Variants in FGD5 observed in about 807,000 individuals in gnomAD.
The protein encoded by FGD5 is FYVE, RhoGEF and PH domain-containing protein 5.
A neutral mutation model predicts 133.4 loss-of-function variants in FGD5; 28 were observed. The observed-to-expected ratio is 0.21, with a 90% CI of 0.16 to 0.29. The LOEUF is 0.29. Ranked by LOEUF, FGD5 falls within the 10% of genes least tolerant of loss-of-function variation. The pLI is 1.00. For missense variants in FGD5, 1,858 were observed against 1,895.2 expected, an observed-to-expected ratio of 0.98 and a Z score of 0.36; for synonymous variants, 810 against 776.5, an observed-to-expected ratio of 1.04 and a Z score of -0.72.
chr3:14,813,860 G>A (rs546163174), intron 1 of FGD5, among the ~76,000 whole-genome samples: 76 of 152,352 alleles, frequency 5.0e-4, no homozygotes, highest in African/African-American at 1.8e-3. Flanking sequence ...GGAGCAGCAA[G>A]CATGAACATG....
At chr3:14,903,518 A>C (rs1575246016) in intron 9 of FGD5, among the ~76,000 whole-genome samples, 1 of 92,630 alleles carries the variant, frequency 1.1e-5, no homozygotes, top group African/African-American at 4.4e-5. Flanking sequence ...CCCACCCCAC[A>C]ACAGTCCCCA....
chr3:14,822,836 G>A (rs1350990261), intron 1 of FGD5, among the ~76,000 whole-genome samples: 2 of 152,172 alleles, frequency 1.3e-5, no homozygotes, highest in Non-Finnish European at 2.9e-5. Flanking sequence ...GAATTCCTAG[G>A]GGACCCGCAG....
At chr3:14,843,208 A>C (rs1305463612) in intron 1 of FGD5, among the ~76,000 whole-genome samples, 1 of 152,216 alleles carries the variant, frequency 6.6e-6, no homozygotes, top group East Asian at 1.9e-4. Flanking sequence ...CCCCATCCCA[A>C]ACTTGGCACA....
chr3:14,905,484 G>T (rs745747306), intron 9 of FGD5, among the ~76,000 whole-genome samples: 3 of 152,092 alleles, frequency 2.0e-5, no homozygotes, highest in Non-Finnish European at 4.4e-5. Context: ...TGCTCTTTGT[G>T]TTTCAGTATG....
chr3:14,922,462 C>T lies in FGD5; in HGVS notation c.3721C>T (p.Pro1241Ser), dbSNP rs1231183485. 6.3e-7 allele frequency: 1 copy of T among 1,575,122 alleles called. No homozygotes were observed. Among genetic ancestry groups the T allele is most frequent in the Non-Finnish European group, 8.6e-7 (1 of 1,160,442 alleles). The stretch of plus-strand genomic sequence containing the variant: ...TGGGGAGAGGCCCCCCACCCTGGTG[C>T]CTGTCACACACGTCATGATGTGCAT... ...SLGERPPTLV[P>S]VTHVMMCMNC... The change falls in exon 15 of 20, where the codon CCT becomes TCT. Residue 1241 changes from proline (P) to serine (S), a missense_variant. Physicochemically the swap from Pro to Ser is moderately conservative, Grantham distance 74. This residue lies in a region of FGD5 where 1,824 missense variants were observed against 1,848.9 expected (regional missense o/e 0.99). Coordinates refer to ENST00000285046, the MANE Select transcript of FGD5 (RefSeq NM_152536.4). This position sits in a 1 kb window ranked among gnomAD's most constrained non-coding sequence, Gnocchi z 4.1.
At chr3:14,845,015 G>A (rs1575203984) in intron 1 of FGD5, among the ~76,000 whole-genome samples, 1 of 149,716 alleles carries the variant, frequency 6.7e-6, no homozygotes, top group South Asian at 2.1e-4. Context: ...GGCCACCTCA[G>A]CTCAGCTTCT....
In FGD5 at chr3:14,898,693, A is replaced by G. The variant is rs762229922; in HGVS notation, c.3067-46A>G. On this transcript the variant is annotated intron_variant, in intron 6 of 19. Coordinates refer to ENST00000285046, the MANE Select transcript of FGD5 (RefSeq NM_152536.4). ...GGGCTGCTGTGAGCATGGTGCCTTCAGGAGGGGTTTCTGATAAGGTTTTTC... is the reference window on the plus strand; with the variant it reads ...GGGCTGCTGTGAGCATGGTGCCTTCGGGAGGGGTTTCTGATAAGGTTTTTC... 1.4e-4 allele frequency: 217 copies of G among 1,502,498 alleles called. 2 individuals carry two copies. The South Asian group carries it at 2.2e-3, about 15-fold the overall frequency. 93.1% of individuals were successfully genotyped at this position (1,502,498 alleles called of 1,614,324 possible).
chr3:14,813,233 CAG>C (rs1214207022), intron 1 of FGD5, among the ~76,000 whole-genome samples: 1 of 152,158 alleles, frequency 6.6e-6, no homozygotes, highest in African/African-American at 2.4e-5. Flanking sequence ...AACTGAGGCT[CAG>C]AGAGGCAAAA....
At chr3:14,904,784 A>T (rs1220545044) in intron 9 of FGD5, among the ~76,000 whole-genome samples, 1 of 152,212 alleles carries the variant, frequency 6.6e-6, no homozygotes. Flanking sequence ...ATCTGTAGAT[A>T]TTTCCATACA....
Position 14,820,668 on chromosome 3 carries a change from G to T in FGD5, c.1597G>T (p.Ala533Ser), listed in dbSNP as rs1382589526. ...GTCATTGGAGGGGAAGCCCTTGGAA[G>T]CCAGCAGGGCCTTGCCAGCAAAGCC... is the stretch of plus-strand genomic sequence containing the variant. ...LLSLEGKPLE[A>S]SRALPAKPRA... is the part of the protein sequence containing the mutation. Residue 533 changes from alanine (A) to serine (S), a missense_variant, in exon 1 of 20, where the codon GCC becomes TCC. Physicochemically the swap from Ala to Ser is moderately conservative, Grantham distance 99. Coordinates refer to ENST00000285046, the MANE Select transcript of FGD5 (RefSeq NM_152536.4). 2.3e-5 allele frequency: 37 copies of T among 1,593,676 alleles called. No individual in the cohort carries two copies. Among genetic ancestry groups the T allele is most frequent in the Non-Finnish European group, 3.2e-5 (37 of 1,171,770 alleles).
intron 1 of FGD5, among the ~76,000 whole-genome samples, chr3:14,861,928 A>C (rs2037405199): frequency 6.6e-6 from 1 of 152,138 alleles, no homozygotes; most frequent in Non-Finnish European, 1.5e-5. Context: ...CACTGGGTGG[A>C]GAACAGATTG....
Position 14,910,876 on chromosome 3 carries a change from G to A in FGD5, c.3352G>A (p.Gly1118Arg). Residue 1118 changes from glycine (G) to arginine (R), a missense_variant, in exon 11 of 20, where the codon GGG becomes AGG. Around this residue, in one of 3 missense-constraint regions of FGD5, gnomAD observed 1,824 missense variants for 1,848.9 expected, o/e 0.99. Transcript: ENST00000285046. ...CTCCCCACAGGAGTTTCTGAAGGAAGGGACGCTGATGAAAGTAACAGGGAA... is the reference window on the plus strand; with the variant it reads ...CTCCCCACAGGAGTTTCTGAAGGAAAGGACGCTGATGAAAGTAACAGGGAA... ...LQPGREFLKE[G>R]TLMKVTGKNR... The A allele has an allele frequency of 6.2e-7, 1 of 1,613,358 alleles. No homozygotes were observed. The highest frequency in any genetic ancestry group is 8.5e-7 in the Non-Finnish European group (1 of 1,179,636).
At chr3:14,811,679 C>G (rs536653160) in intron 1 of FGD5, among the ~76,000 whole-genome samples, 1 of 152,162 alleles carries the variant, frequency 6.6e-6, no homozygotes, top group South Asian at 2.1e-4. Flanking sequence ...AGGGATCCCT[C>G]CAGAGTAGTG....
intron 1 of FGD5, among the ~76,000 whole-genome samples, chr3:14,853,516 G>A (rs1008141895): frequency 1.9e-4 from 29 of 151,890 alleles, no homozygotes; most frequent in Non-Finnish European, 1.0e-4. Flanking sequence ...AGCCTGTCTC[G>A]GAGGGGCTGG....
At chr3:14,908,517 G>C (rs2038381802) in intron 10 of FGD5, among the ~76,000 whole-genome samples, 1 of 151,686 alleles carries the variant, frequency 6.6e-6, no homozygotes, top group Non-Finnish European at 1.5e-5. Flanking sequence ...AATCCCAAAA[G>C]ATCAAAATCC....
At chr3:14,859,942 AT>A (rs1180558321) in intron 1 of FGD5, among the ~76,000 whole-genome samples, 3 of 152,258 alleles carry the variant, frequency 2.0e-5, no homozygotes, top group African/African-American at 7.2e-5. Context: ...GTCATTAAAT[AT>A]ATTCATATAT....
intron 1 of FGD5, among the ~76,000 whole-genome samples, chr3:14,855,091 A>G (rs868296970): frequency 8.5e-5 from 13 of 152,180 alleles, no homozygotes; most frequent in Middle Eastern, 3.4e-3. Flanking sequence ...TTTAGTTTCC[A>G]CATATGAGTG....
chr3:14,927,244 G>A (rs1461404021), intron 18 of FGD5, among the ~76,000 whole-genome samples: 2 of 152,216 alleles, frequency 1.3e-5, no homozygotes, highest in Non-Finnish European at 2.9e-5. Context: ...GTCCACAGGT[G>A]GGGTCTTCCA....
At chr3:14,839,889 C>T (rs759448079) in intron 1 of FGD5, among the ~76,000 whole-genome samples, 1 of 151,918 alleles carries the variant, frequency 6.6e-6, no homozygotes, top group Non-Finnish European at 1.5e-5. Flanking sequence ...GTCGAGATCG[C>T]GCCACTGCAT....
Sources: gnomAD v4.1 joint callset for allele counts (sites outside exome capture counted in the v4.1 genomes callset) on GRCh38, gnomAD v4.1.1 for gene constraint, gnomAD v4.1.1 regional missense constraint, Gnocchi (gnomAD v3.1) non-coding constraint, MANE v1.5 for transcripts, NCBI Gene and HGNC (gene_info 2026-07-23, HGNC 2026-07-21) for gene names.